The following DCTN1 variants were observed in gnomAD, a reference collection of about 807,000 sequenced individuals.
DCTN1 encodes dynactin subunit 1.
In DCTN1, 61 loss-of-function variants were observed where a neutral mutation model predicts 161.2. The observed-to-expected ratio is 0.38, with a 90% confidence interval of 0.31 to 0.47. The LOEUF is 0.47. Among genes scored for constraint, DCTN1 ranks in the 20% least tolerant of loss-of-function variants. The probability of loss-of-function intolerance (pLI) is 0.99; values close to 1 mark genes in which losing one functional copy is unlikely to be tolerated. For missense variants in DCTN1, 1,404 were observed against 1,623.7 expected (o/e 0.86, Z 2.33); for synonymous variants, 653 against 632.4 (o/e 1.03, Z -0.49).
intron 4 of DCTN1, 137 bp downstream of exon 4, chr2:74,377,295 C>A: frequency 5.1e-6 from 4 of 786,454 alleles, no homozygotes; most frequent in Non-Finnish European, 9.1e-6. Flanking sequence ...CAGAAAGCCT[C>A]CTTCTTAGGG....
At chr2:74,377,562 G>T in intron 3 of DCTN1, 86 bp downstream of exon 3, 1 of 1,519,152 alleles carries the variant, frequency 6.6e-7, no homozygotes, top group Non-Finnish European at 9.1e-7. Flanking sequence ...AAAATCTTAG[G>T]ATCTACTGTG....
chr2:74,386,639 C>T (rs1158931044), intron 1 of DCTN1: 1 of 152,206 alleles, frequency 6.6e-6, no homozygotes, highest in Non-Finnish European at 1.5e-5. Context: ...CAAGCCAACA[C>T]CAGCATTCCC....
chr2:74,370,677 C>T lies in DCTN1; in HGVS notation c.992G>A (p.Arg331Gln), dbSNP rs773056643. 14 of 1,614,228 alleles carry T rather than the reference C, an allele frequency of 8.7e-6. No individual in the cohort carries two copies. The highest frequency in any genetic ancestry group is 4.0e-5 in the African/African-American group (3 of 75,070). Residue 331 changes from arginine to glutamine, a missense_variant, in exon 10 of 32, where the codon CGG becomes CAG. Arg to Gln is a conservative substitution (Grantham distance 43, BLOSUM62 1). This residue lies in a region of DCTN1 where 278 missense variants were observed against 363.8 expected (regional missense o/e 0.76). Transcript: ENST00000628224. The surrounding 1 kb of genome is among the most constrained non-coding windows in gnomAD (Gnocchi z 4.4). ...TAAGTCAGTAGTGAGCTCGTCCACC[C>T]GCTCCTTCAGTGCCTCCACCTCCTG... ...LQQEVEALKE[R>Q]VDELTTDLEI...
In DCTN1 at chr2:74,361,475, G is replaced by C. The variant is rs1300135607; in HGVS notation, c.*24C>G. The C allele has an allele frequency of 3.7e-6, 6 of 1,613,790 alleles. No individual in the cohort carries two copies. In the South Asian group the frequency reaches 6.6e-5, roughly 18 times the overall value. On this transcript the variant is annotated 3_prime_UTR_variant, in exon 32 of 32. Coordinates refer to ENST00000628224, the MANE Select transcript of DCTN1 (RefSeq NM_004082.5). ...CGGCACCAGAGGGCTGAGGGTCGAA[G>C]GGGACAGCAGGGGAAAGGAGTGCTT...
intron 28 of DCTN1, 48 bp downstream of exon 28, chr2:74,363,246 G>A (rs1224565553): frequency 4.3e-6 from 7 of 1,613,872 alleles, no homozygotes; most frequent in Non-Finnish European, 1.7e-6. Flanking sequence ...CATCAATGGG[G>A]CAAATATGCT....
At chr2:74,378,267 A>G (rs368192479) in intron 1 of DCTN1, 22 bp from the exon 2 acceptor site, 29 of 1,601,920 alleles carry the variant, frequency 1.8e-5, no homozygotes, top group Non-Finnish European at 2.3e-5. Context: ...AGGTAAACAC[A>G]GACAGTTAGA....
chr2:74,391,786 C>T (rs936721493), intron 1 of DCTN1: 1 of 453,782 alleles, frequency 2.2e-6, no homozygotes, highest in South Asian at 1.6e-5. Flanking sequence ...AGAGTCGCGC[C>T]TCCGTACCTG....
At chr2:74,383,876 G>A (rs777842797), upstream of DCTN1, 1 of 152,202 alleles carries the variant, frequency 6.6e-6, no homozygotes, top group East Asian at 1.9e-4. Context: ...TAAGTAAAGC[G>A]TTTAGCACAA....
rs1457135370 is a variant in DCTN1, at chr2:74,371,021, C to A, written c.801G>T (p.Glu267Asp). The A allele has an allele frequency of 2.5e-6, 4 of 1,614,224 alleles. No individual in the cohort carries two copies. Among genetic ancestry groups the A allele is most frequent in the Non-Finnish European group, 3.4e-6 (4 of 1,180,048 alleles). ...GGCGCCGCTGCAGGTCGGCCTGCTG[C>A]TCCTGCATTTTGCTCTTCCATTCCT... ...QVQEWKSKMQ[E>D]QQADLQRRLK... Residue 267 changes from glutamate (E) to aspartate (D), a missense_variant, in exon 9 of 32, where the codon GAG becomes GAT. Glu to Asp is a conservative substitution (Grantham distance 45). Coordinates refer to ENST00000628224, the MANE Select transcript of DCTN1 (RefSeq NM_004082.5).
In DCTN1 at chr2:74,363,142, G is replaced by A; in HGVS notation, c.3381C>T (p.Pro1127=). 2.5e-6 allele frequency: 4 copies of A among 1,614,160 alleles called. No homozygotes were observed. In the South Asian group the frequency reaches 4.4e-5, roughly 18 times the overall value. The part of the protein sequence containing the change: ...AQMKASLASL[P]PLHVAKLSHE... ...GGGATAGCTTTGCAACATGCAGAGG[G>A]GGCAGGGATGCCAAGGATGCCTTCA... Residue 1127 remains proline, a synonymous_variant, in exon 29 of 32, where the codon CCC becomes CCT. Coordinates refer to ENST00000628224, the MANE Select transcript of DCTN1 (RefSeq NM_004082.5).
In DCTN1 at chr2:74,377,704, G is replaced by C. The variant is rs1192883106; in HGVS notation, c.302C>G (p.Ala101Gly). 3.7e-6 allele frequency: 6 copies of C among 1,613,728 alleles called. No homozygotes were observed. In the South Asian group the frequency reaches 6.6e-5, roughly 18 times the overall value. Residue 101 changes from alanine to glycine, a missense_variant, in exon 3 of 32, where the codon GCA becomes GGA. Physicochemically the swap from Ala to Gly is moderately conservative, Grantham distance 60. Around this residue, in one of 9 missense-constraint regions of DCTN1, gnomAD observed 174 missense variants for 175.6 expected, o/e 0.99. Transcript: ENST00000628224. The part of the protein sequence containing the change: ...QSQIQVFEDG[A>G]DTTSPETPDS... The stretch of plus-strand genomic sequence containing the variant: ...AGGTGTCTCTGGGGAAGTAGTATCT[G>C]CTCCATCTTCAAATACCTGGATCTG...
chr2:74,366,440 C>T lies in DCTN1; in HGVS notation c.2628+19G>A. 6.2e-7 allele frequency: 1 copy of T among 1,614,228 alleles called. No individual in the cohort carries two copies. The highest frequency in any genetic ancestry group is 8.5e-7 in the Non-Finnish European group (1 of 1,180,038). On this transcript the variant is annotated intron_variant, in intron 22 of 31. Transcript: ENST00000628224. Reference sequence around the variant, plus strand: ...TCACTAACTCTCCCCACACCTTCTACCCAGCCATCCAGGCCCACCTGCTCG... The same window carrying T: ...TCACTAACTCTCCCCACACCTTCTATCCAGCCATCCAGGCCCACCTGCTCG...
intron 5 of DCTN1, among the ~76,000 whole-genome samples, 196 bp downstream of exon 5, chr2:74,376,546 C>T (rs1198489866): frequency 1.3e-5 from 2 of 152,202 alleles, no homozygotes; most frequent in African/African-American, 4.8e-5. Flanking sequence ...CTAATGAGTG[C>T]TACCTGGGTA....
intron 8 of DCTN1, 29 bp from the exon 9 acceptor site, chr2:74,371,205 C>G (rs1182302613): frequency 6.2e-7 from 1 of 1,611,288 alleles, no homozygotes; most frequent in South Asian, 1.1e-5. Context: ...ACGGTCTGTG[C>G]ACAGCCCACT....
At chr2:74,382,897 CCT>C (rs766888144), upstream of DCTN1, among the ~76,000 whole-genome samples, 21 of 151,400 alleles carry the variant, frequency 1.4e-4, no homozygotes, top group Admixed American at 8.5e-4. Context: ...AAGGTGAAAC[CCT>C]GTCTCTACTA....
rs1573175386 is a variant in DCTN1 at position 74,376,047 on chromosome 2, T to C, written c.414+695A>G. ...GGCAGGGGCTGGTTTGAGGAAGTGG[T>C]CATGGCAGTGATCTAAGAGTTTAAA... On this transcript the variant is annotated intron_variant, in intron 5 of 31. Coordinates refer to ENST00000628224, the MANE Select transcript of DCTN1 (RefSeq NM_004082.5). 1.3e-5 allele frequency among the ~76,000 whole-genome samples: 2 copies of C among 151,916 alleles called. 1 individual carries two copies. Among genetic ancestry groups the C allele is most frequent in the East Asian group, 3.9e-4 (2 of 5,164 alleles).
Position 74,374,351 on chromosome 2 carries a change from A to G in DCTN1, c.415-11T>C. 6.2e-7 allele frequency: 1 copy of G among 1,613,418 alleles called. No individual in the cohort carries two copies. The highest frequency in any genetic ancestry group is 8.5e-7 in the Non-Finnish European group (1 of 1,179,724). On this transcript the variant is annotated splice_polypyrimidine_tract_variant and intron_variant, in intron 5 of 31. Coordinates refer to ENST00000628224, the MANE Select transcript of DCTN1 (RefSeq NM_004082.5). ...TCGGGCTGTCGGTGCCTGTCTCATC[A>G]TTGCAGAAAACCAAAGAAAGCAAGG...
chr2:74,375,402 G>A (rs1353469748), intron 5 of DCTN1, among the ~76,000 whole-genome samples: 2 of 152,202 alleles, frequency 1.3e-5, no homozygotes, highest in Non-Finnish European at 2.9e-5. Context: ...ATAACTACTG[G>A]AGAGGAAGAC....
chr2:74,389,457 T>G (rs1340485766), intron 1 of DCTN1, among the ~76,000 whole-genome samples: 10 of 151,980 alleles, frequency 6.6e-5, no homozygotes, highest in African/African-American at 2.4e-4. Flanking sequence ...AACCTATAAC[T>G]CCAAGCAGCT....
Sources: gnomAD v4.1 joint callset for allele counts (sites outside exome capture counted in the v4.1 genomes callset) on GRCh38, gnomAD v4.1.1 for gene constraint, gnomAD v4.1.1 regional missense constraint, Gnocchi (gnomAD v3.1) non-coding constraint, MANE v1.5 for transcripts, NCBI Gene and HGNC (gene_info 2026-07-23, HGNC 2026-07-21) for gene names.